Variants in ATP10B observed in about 807,000 individuals in gnomAD.
ATP10B encodes the protein ATPase phospholipid transporting 10B (putative), also known as phospholipid-transporting ATPase VB.
A neutral mutation model predicts 141.2 loss-of-function variants in ATP10B; 122 were observed. That is an observed-to-expected ratio of 0.86 (90% CI 0.75 to 1.00). The LOEUF (loss-of-function observed/expected upper bound fraction) is 1.00. ATP10B is among the 50% of genes least tolerant of loss of function. ATP10B has a pLI of 0.00. For synonymous variants in ATP10B, 685 were observed against 692.0 expected (o/e 0.99, Z 0.16); for missense variants, 1,876 against 1,825.3 (o/e 1.03, Z -0.51).
the ATP10B span, among the ~76,000 whole-genome samples, chr5:160,928,183 T>A: frequency 6.6e-6 from 1 of 152,176 alleles, no homozygotes; most frequent in African/African-American, 2.4e-5. Flanking sequence ...CTTCCCTTTT[T>A]TTATTGACTG....
chr5:160,587,068 G>T (rs1377769325), intron 24 of ATP10B, among the ~76,000 whole-genome samples: 1 of 152,124 alleles, frequency 6.6e-6, no homozygotes, highest in Non-Finnish European at 1.5e-5. Context: ...TTCTTCTAGG[G>T]CTTTTATGGT....
chr5:160,785,696 T>C lies in ATP10B; in HGVS notation c.-468A>G. ...CTTGGCAGTGGAGAGGAGTTCATTA[T>C]CTCCACTGAGTGAGATGAATAATAG... is the stretch of plus-strand genomic sequence containing the variant. On this transcript the variant is annotated 5_prime_UTR_variant, in exon 2 of 26. Coordinates refer to ENST00000327245, the MANE Select transcript of ATP10B (RefSeq NM_025153.3). 7.8e-7 allele frequency: 1 copy of C among 1,287,524 alleles called. No individual in the cohort carries two copies. Among genetic ancestry groups the C allele is most frequent in the African/African-American group, 1.5e-5 (1 of 65,816 alleles). 79.8% of individuals were successfully genotyped at this position (1,287,524 alleles called of 1,614,324 possible). A position where few individuals can be genotyped will look rare whatever the true frequency, so the allele number is the denominator to read the frequency against.
chr5:160,593,717 G>A (rs1756482935), intron 22 of ATP10B, among the ~76,000 whole-genome samples: 1 of 152,214 alleles, frequency 6.6e-6, no homozygotes, highest in Non-Finnish European at 1.5e-5. Context: ...AGTGCTTAAA[G>A]GAGCTGATGG....
At chr5:160,867,173 T>C in the ATP10B span, among the ~76,000 whole-genome samples, 1 of 148,736 alleles carries the variant, frequency 6.7e-6, no homozygotes, top group Non-Finnish European at 1.5e-5. Flanking sequence ...TGTGTACAAC[T>C]AGGATTTATG....
chr5:160,647,291 A>G (rs1760359988), intron 8 of ATP10B, among the ~76,000 whole-genome samples: 1 of 152,190 alleles, frequency 6.6e-6, no homozygotes, highest in Non-Finnish European at 1.5e-5. Flanking sequence ...GGTGGAGACC[A>G]TCTGTGGGTG....
At chr5:160,770,552 T>C (rs866319701) in intron 2 of ATP10B, among the ~76,000 whole-genome samples, 1 of 152,198 alleles carries the variant, frequency 6.6e-6, no homozygotes, top group Non-Finnish European at 1.5e-5. Flanking sequence ...AATTTATTTA[T>C]TCAGGAACCC....
At chr5:160,764,940 A>G (rs11957290) in intron 2 of ATP10B, among the ~76,000 whole-genome samples, 39,914 of 151,848 alleles carry the variant, frequency 0.26, 6,344 homozygotes, top group African/African-American at 0.42. Context: ...GAATTAAATC[A>G]AGAACTCAAC....
At chr5:160,696,414 C>T (rs1764366718) in intron 3 of ATP10B, among the ~76,000 whole-genome samples, 3 of 152,088 alleles carry the variant, frequency 2.0e-5, no homozygotes, top group South Asian at 4.1e-4. Flanking sequence ...TGGCCAAAAG[C>T]TTCAATATTA....
chr5:160,666,445 G>A (rs1581311288), intron 7 of ATP10B, among the ~76,000 whole-genome samples: 2 of 152,082 alleles, frequency 1.3e-5, no homozygotes, highest in East Asian at 3.9e-4. Context: ...TGTTTCTTGG[G>A]ATAAAAGTTT....
chr5:160,629,264 G>T (rs1426569666), intron 13 of ATP10B, among the ~76,000 whole-genome samples: 1 of 152,138 alleles, frequency 6.6e-6, no homozygotes, highest in African/African-American at 2.4e-5. Context: ...TGCCACAGGA[G>T]CTCTCTAGGG....
At chr5:160,653,255 A>G (rs1761051811) in intron 7 of ATP10B, among the ~76,000 whole-genome samples, 1 of 132,806 alleles carries the variant, frequency 7.5e-6, no homozygotes, top group Non-Finnish European at 1.5e-5. Flanking sequence ...CATACGTAGT[A>G]TATATACATA....
At chr5:160,594,456 G>A (rs1271285270) in intron 22 of ATP10B, among the ~76,000 whole-genome samples, 3 of 152,108 alleles carry the variant, frequency 2.0e-5, no homozygotes, top group Non-Finnish European at 2.9e-5. Flanking sequence ...AAAGACCATC[G>A]AGGCTAGGAA....
At chr5:160,762,924 A>G (rs929440250) in intron 2 of ATP10B, among the ~76,000 whole-genome samples, 1 of 121,734 alleles carries the variant, frequency 8.2e-6, no homozygotes, top group Non-Finnish European at 1.9e-5. Context: ...TTCTTATATC[A>G]GATAAAACAG....
intron 2 of ATP10B, among the ~76,000 whole-genome samples, chr5:160,784,569 G>A (rs1419211920): frequency 6.6e-6 from 1 of 152,136 alleles, no homozygotes; most frequent in Non-Finnish European, 1.5e-5. Flanking sequence ...TGGCAGTGAT[G>A]TTTACTCTTT....
In ATP10B at chr5:160,591,127, A is replaced by G. The variant is rs767977506; in HGVS notation, c.3577T>C (p.Ser1193Pro). The change falls in exon 23 of 26, where the codon TCG becomes CCG. Residue 1193 changes from serine (S) to proline (P), a missense_variant. Transcript: ENST00000327245. Reference protein sequence around the residue: ...SGQNSECYNLSTFWISMVDAF... With the variant: ...SGQNSECYNLPTFWISMVDAF... ...TCCACCATAGAAATCCAGAAAGTCG[A>G]CAGGTTATAGCACTGCCAGGAGAGA... is the stretch of plus-strand genomic sequence containing the variant. 5.6e-6 allele frequency: 9 copies of G among 1,614,032 alleles called. No individual in the cohort carries two copies. Among genetic ancestry groups the G allele is most frequent in the Middle Eastern group, 1.7e-4 (1 of 6,060 alleles).
chr5:160,796,716 C>A (rs894229978), intron 1 of ATP10B, among the ~76,000 whole-genome samples: 111 of 152,278 alleles, frequency 7.3e-4, no homozygotes, highest in African/African-American at 2.6e-3. Context: ...ATTCCCTTCC[C>A]CTCTGACGTC....
intron 7 of ATP10B, among the ~76,000 whole-genome samples, chr5:160,669,529 A>G (rs1762532984): frequency 6.6e-6 from 1 of 150,622 alleles, no homozygotes; most frequent in Non-Finnish European, 1.5e-5. Context: ...GGTACCATTT[A>G]TGAAAGGGTG....
intron 25 of ATP10B, among the ~76,000 whole-genome samples, chr5:160,568,707 G>A (rs769303129): frequency 3.9e-5 from 6 of 152,146 alleles, no homozygotes; most frequent in Non-Finnish European, 7.3e-5. Context: ...TGGGGTACTA[G>A]AACCATAGCT....
At chr5:160,871,139 G>T in the ATP10B span, among the ~76,000 whole-genome samples, 4 of 152,006 alleles carry the variant, frequency 2.6e-5, no homozygotes, top group Non-Finnish European at 5.9e-5. Flanking sequence ...GAACATCAAA[G>T]AATAAGTAAA....
Sources: gnomAD v4.1 joint callset for allele counts (sites outside exome capture counted in the v4.1 genomes callset) on GRCh38, gnomAD v4.1.1 for gene constraint, MANE v1.5 for transcripts, NCBI Gene and HGNC (gene_info 2026-07-23, HGNC 2026-07-21) for gene names.